TTI1: variants seen among roughly 807,000 people sequenced by gnomAD.
The protein encoded by TTI1 is TELO2 interacting protein 1, also known as TELO2-interacting protein 1 homolog.
TTI1 carries 52 observed loss-of-function variants against 85.4 expected under a neutral mutation model. The ratio of observed to expected loss-of-function variants is 0.61; its 90% CI spans 0.49 to 0.77. TTI1 has a LOEUF of 0.77. Ranked by LOEUF, TTI1 falls within the 30% of genes least tolerant of loss-of-function variation. The pLI is 0.00. For synonymous variants in TTI1, 512 were observed against 503.9 expected, an observed-to-expected ratio of 1.02 and a Z score of -0.22; for missense variants, 1,173 against 1,296.0, an observed-to-expected ratio of 0.91 and a Z score of 1.46.
At chr20:38,011,435 T>C in intron 2 of TTI1, 80 bp downstream of exon 2, 1 of 1,494,540 alleles carries the variant, frequency 6.7e-7, no homozygotes, top group South Asian at 1.3e-5. Context: ...CCACAAACAA[T>C]GCAAAAAACG....
intron 6 of TTI1, 69 bp from the exon 7 acceptor site, chr20:37,996,531 T>C: frequency 6.4e-7 from 1 of 1,570,020 alleles, no homozygotes; most frequent in Non-Finnish European, 8.7e-7. Context: ...TGACCAACTG[T>C]GTCTGGAGAA....
chr20:37,995,515 G>T lies in TTI1; in HGVS notation c.3086+860C>A, dbSNP rs868577217. ...TGAAGCTGGTGAGGCTGAAGGAGCT[G>T]CAGGGCTCAGAGCGGCACAGAGTGC... is the stretch of plus-strand genomic sequence containing the variant. On this transcript the variant is annotated intron_variant, in intron 7 of 7. Transcript: ENST00000373447. 2.0e-5 allele frequency among the ~76,000 whole-genome samples: 3 copies of T among 152,378 alleles called. No homozygotes were observed. In the South Asian group the frequency reaches 6.2e-4, roughly 32 times the overall value.
chr20:38,016,535 A>G (rs994327912), intron 1 of TTI1, among the ~76,000 whole-genome samples: 1 of 152,258 alleles, frequency 6.6e-6, no homozygotes, highest in Non-Finnish European at 1.5e-5. Flanking sequence ...CATTGACCTC[A>G]TCGCTTTCTG....
intron 1 of TTI1, among the ~76,000 whole-genome samples, chr20:38,014,628 C>T (rs1209161817): frequency 6.6e-6 from 1 of 152,132 alleles, no homozygotes; most frequent in Non-Finnish European, 1.5e-5. Context: ...AAACTGGGAG[C>T]ACACACTATC....
chr20:38,002,928 A>G (rs747001168), intron 3 of TTI1, 152 bp from the exon 4 acceptor site: 29 of 1,088,336 alleles, frequency 2.7e-5, no homozygotes, highest in Non-Finnish European at 3.5e-5. Context: ...GAATAGGTAC[A>G]GAAACCATGA....
At position 38,033,455 on chromosome 20, in the gene TTI1, G is replaced by C. The variant is rs142898111; in HGVS notation, c.-93C>G. On this transcript the variant is annotated 5_prime_UTR_variant, in exon 1 of 8. Transcript: ENST00000373447. ...TCCCGCCTCCTCTGCCTCGCCGGAA[G>C]TGACGCGCTAAGTAGCGCGCCGTAT... 6.9e-3 allele frequency: 1,056 copies of C among 154,104 alleles called. 6 individuals are homozygous for C. The highest frequency in any genetic ancestry group is 0.02 in the African/African-American group (835 of 41,592). 9.5% of individuals were successfully genotyped at this position (154,104 alleles called of 1,614,324 possible).
At chr20:37,999,134 T>G in intron 5 of TTI1, 54 bp downstream of exon 5, 1 of 1,324,652 alleles carries the variant, frequency 7.5e-7, no homozygotes, top group Non-Finnish European at 9.7e-7. Flanking sequence ...CGGTGAGCTC[T>G]GTGCCTACTA....
At position 37,984,759 on chromosome 20, in the gene TTI1, C is replaced by T. The variant is rs148870575; in HGVS notation, c.3087-1120G>A. Among the ~76,000 whole-genome samples the T allele has an allele frequency of 4.4e-4, 67 of 152,330 alleles. 2 individuals are homozygous for T. Among genetic ancestry groups the T allele is most frequent in the African/African-American group, 1.5e-3 (61 of 41,578 alleles). On this transcript the variant is annotated intron_variant, in intron 7 of 7. Coordinates refer to ENST00000373447, the MANE Select transcript of TTI1 (RefSeq NM_001303457.2). ...CATATTGACCATTGATTGTCTCCCT[C>T]ACAACATAAGCTCCCCAAGGGCAGG...
intron 7 of TTI1, 140 bp downstream of exon 7, chr20:37,996,235 G>T: frequency 2.4e-6 from 2 of 838,150 alleles, no homozygotes; most frequent in Non-Finnish European, 3.7e-6. Context: ...CATCTCTAGT[G>T]CTGGCACAGT....
At chr20:38,024,046 T>TAA (rs1222009398) in intron 1 of TTI1, among the ~76,000 whole-genome samples, 1 of 152,158 alleles carries the variant, frequency 6.6e-6, no homozygotes, top group Non-Finnish European at 1.5e-5. Context: ...TGTATTACAC[T>TAA]AATACTATGT....
chr20:38,011,036 T>C (rs1353234238), intron 2 of TTI1, among the ~76,000 whole-genome samples: 1 of 152,220 alleles, frequency 6.6e-6, no homozygotes, highest in Non-Finnish European at 1.5e-5. Context: ...ATTTCTATCA[T>C]CAAAGAAACT....
In TTI1 at chr20:38,012,008, T is replaced by G. The variant is rs1260516837; in HGVS notation, c.1809A>C (p.Gln603His). 8.1e-6 allele frequency: 13 copies of G among 1,614,120 alleles called. No individual in the cohort carries two copies. Among genetic ancestry groups the G allele is most frequent in the Non-Finnish European group, 1.0e-5 (12 of 1,180,052 alleles). ...QAITSGEHTC[Q>H]VTSFLAFSKP... is the part of the protein sequence containing the mutation. ...TTGAGAAGGCTAGAAAAGATGTAACTTGGCAGGTGTGTTCACCAGACGTGA... is the reference window on the plus strand; with the variant it reads ...TTGAGAAGGCTAGAAAAGATGTAACGTGGCAGGTGTGTTCACCAGACGTGA... Residue 603 changes from glutamine to histidine, a missense_variant, in exon 2 of 8, where the codon CAA becomes CAC. Coordinates refer to ENST00000373447, the MANE Select transcript of TTI1 (RefSeq NM_001303457.2).
chr20:38,016,808 G>A (rs925907441), intron 1 of TTI1, among the ~76,000 whole-genome samples: 5 of 152,154 alleles, frequency 3.3e-5, no homozygotes, highest in African/African-American at 9.7e-5. Flanking sequence ...AGAAAAATCT[G>A]ATCGCAATTC....
intron 3 of TTI1, among the ~76,000 whole-genome samples, chr20:38,003,631 A>C (rs1027591771): frequency 2.0e-5 from 3 of 151,950 alleles, no homozygotes; most frequent in Admixed American, 1.3e-4. Context: ...GGGCGCCTGT[A>C]ATCTTAACTA....
intron 1 of TTI1, among the ~76,000 whole-genome samples, chr20:38,020,316 AAAAAAAAATATATATAT>A (rs2073745597): frequency 1.3e-5 from 1 of 78,864 alleles, no homozygotes; most frequent in African/African-American, 5.7e-5. Context: ...ATATGAAAAA[AAAAAAAAATATATATAT>A]ATATATATAT....
chr20:37,997,558 T>C (rs566238855), intron 5 of TTI1, among the ~76,000 whole-genome samples: 1 of 152,350 alleles, frequency 6.6e-6, no homozygotes, highest in South Asian at 2.1e-4. Context: ...TTTGCATGTC[T>C]TGTTTTAAAC....
At chr20:37,984,524 A>C (rs2073165550) in intron 7 of TTI1, among the ~76,000 whole-genome samples, 1 of 152,160 alleles carries the variant, frequency 6.6e-6, no homozygotes, top group South Asian at 2.1e-4. Flanking sequence ...TCTAAGCGTA[A>C]ACTTCATACA....
chr20:38,029,710 C>T lies in TTI1; in HGVS notation c.-42+3694G>A, dbSNP rs74807605. On this transcript the variant is annotated intron_variant, in intron 1 of 7. Transcript: ENST00000373447. ...ATGGGAATGCTATGGTTTGAATATC[C>T]GTCCCTTCCAAAACTCATGTTGAAA... Among the ~76,000 whole-genome samples the T allele has an allele frequency of 9.2e-5, 14 of 152,240 alleles. No homozygotes were observed. In the South Asian group the frequency reaches 1.9e-3, roughly 20 times the overall value.
rs10211839 is a variant in TTI1 at position 37,994,647 on chromosome 20, G to A, written c.3086+1728C>T. ...TCCCAACTTCAAGATAAGTTTGCAA[G>A]TGACATGTGTGAAGCAATCCACCTA... On this transcript the variant is annotated intron_variant, in intron 7 of 7. Coordinates refer to ENST00000373447, the MANE Select transcript of TTI1 (RefSeq NM_001303457.2). Among the ~76,000 whole-genome samples, 863 of 152,244 alleles carry A rather than the reference G, an allele frequency of 5.7e-3. 7 individuals carry two copies. Among genetic ancestry groups the A allele is most frequent in the African/African-American group, 0.02 (833 of 41,540 alleles).
Sources: allele counts gnomAD v4.1 joint callset (sites outside exome capture counted in the v4.1 genomes callset), GRCh38; gene constraint gnomAD v4.1.1; transcripts MANE v1.5; gene names NCBI Gene and HGNC (gene_info 2026-07-23, HGNC 2026-07-21).